The following CDON variants were observed in gnomAD, a reference collection of about 807,000 sequenced individuals.
CDON encodes cell adhesion molecule-related/down-regulated by oncogenes.
CDON carries 73 observed loss-of-function variants against 120.9 expected under a neutral mutation model. That is an observed-to-expected ratio of 0.60 (90% CI 0.50 to 0.73). The LOEUF is 0.73. CDON is among the 30% of genes least tolerant of loss of function. The pLI is 0.00. For synonymous variants in CDON, 566 were observed against 573.5 expected, an observed-to-expected ratio of 0.99 and a Z score of 0.19; for missense variants, 1,470 against 1,587.3, an observed-to-expected ratio of 0.93 and a Z score of 1.26.
chr11:126,003,201 T>C (rs1465526523), intron 10 of CDON, among the ~76,000 whole-genome samples: 2 of 152,204 alleles, frequency 1.3e-5, no homozygotes, highest in Admixed American at 6.5e-5. Context: ...GCCACAAGTT[T>C]TGTCTGTTTT....
intron 15 of CDON, among the ~76,000 whole-genome samples, chr11:125,988,437 C>T (rs1019792544): frequency 6.6e-6 from 1 of 152,028 alleles, no homozygotes; most frequent in Admixed American, 6.5e-5. Flanking sequence ...GTGCAGTGGC[C>T]CGATCTTGGC....
Position 126,010,476 on chromosome 11 carries a change from C to T in CDON, c.1417G>A (p.Val473Met). ...SRPEGLNLEPVYFVLSQAGAS... is the reference protein window; with the variant it reads ...SRPEGLNLEPMYFVLSQAGAS... ...CCAGCTTGGGACAGGACGAAGTACA[C>T]AGGCTCCAGGTTCAAGCCCTCAGGT... The change falls in exon 8 of 20, where the codon GTG becomes ATG. Residue 473 changes from valine to methionine, a missense_variant. By Grantham distance (21) the Val-to-Met change is conservative. Coordinates refer to ENST00000531738, the MANE Select transcript of CDON (RefSeq NM_001378964.1). 1 of 1,614,132 alleles carries T rather than the reference C, an allele frequency of 6.2e-7. No individual in the cohort carries two copies. The highest frequency in any genetic ancestry group is 1.1e-5 in the South Asian group (1 of 91,074).
chr11:126,017,907 C>CT (rs950920338), intron 5 of CDON, among the ~76,000 whole-genome samples: 27 of 148,810 alleles, frequency 1.8e-4, no homozygotes, highest in East Asian at 3.9e-4. Flanking sequence ...CATGTATTTA[C>CT]TTTTTTTTTT....
chr11:126,004,930 T>C (rs1179189721), intron 9 of CDON, among the ~76,000 whole-genome samples: 1 of 152,158 alleles, frequency 6.6e-6, no homozygotes, highest in Non-Finnish European at 1.5e-5. Context: ...AAAATGATAT[T>C]TGAAGAGTTA....
rs187433481 is a variant in CDON, at chr11:126,018,777, C to T, written c.497-304G>A. ...AGAGATGGGGGTCTCACTATATTGCCCAGGCTAGTCTTGAACTCCTGGCTT... is the reference window on the plus strand; with the variant it reads ...AGAGATGGGGGTCTCACTATATTGCTCAGGCTAGTCTTGAACTCCTGGCTT... On this transcript the variant is annotated intron_variant, in intron 4 of 19. Coordinates refer to ENST00000531738, the MANE Select transcript of CDON (RefSeq NM_001378964.1). Among the ~76,000 whole-genome samples the T allele has an allele frequency of 3.7e-4, 57 of 152,214 alleles. No individual in the cohort carries two copies. In the East Asian group the frequency reaches 9.9e-3, roughly 26 times the overall value.
At chr11:126,049,375 T>C (rs1948498403) in intron 1 of CDON, among the ~76,000 whole-genome samples, 1 of 151,542 alleles carries the variant, frequency 6.6e-6, no homozygotes, top group Non-Finnish European at 1.5e-5. Context: ...AAGGCCAGAG[T>C]TTTCCTTCTG....
chr11:126,016,297 G>C (rs1317109443), intron 6 of CDON, among the ~76,000 whole-genome samples: 1 of 152,130 alleles, frequency 6.6e-6, no homozygotes, highest in East Asian at 1.9e-4. Flanking sequence ...TAGGTAGCTG[G>C]TTAGAAACAA....
rs781652458 is a variant in CDON, at chr11:125,997,202, A to G, written c.2362+5T>C. The G allele has an allele frequency of 1.3e-6, 2 of 1,598,794 alleles. No individual in the cohort carries two copies. Among genetic ancestry groups the G allele is most frequent in the Non-Finnish European group, 1.7e-6 (2 of 1,166,090 alleles). On this transcript the variant is annotated splice_donor_5th_base_variant and intron_variant, in intron 12 of 19. Transcript: ENST00000531738. ...TGGTAAAAGGAAACGTTTGAATATT[A>G]CTACCTGGTTCTAAACTACGAACTT...
At chr11:125,961,656 T>G (rs1374139666) in intron 19 of CDON, 68 bp downstream of exon 19, 1 of 1,606,082 alleles carries the variant, frequency 6.2e-7, no homozygotes, top group Non-Finnish European at 8.5e-7. Flanking sequence ...AAGCATCACC[T>G]TCCCATACAC....
rs377502387 is a variant in CDON, at chr11:125,993,556, C to T, written c.2650+728G>A. On this transcript the variant is annotated intron_variant, in intron 14 of 19. Coordinates refer to ENST00000531738, the MANE Select transcript of CDON (RefSeq NM_001378964.1). ...GGGAAGTTATGGGGAAGAGTTCACTCCCTGTAACTTGACTGTCAAACATTT... is the reference window on the plus strand; with the variant it reads ...GGGAAGTTATGGGGAAGAGTTCACTTCCTGTAACTTGACTGTCAAACATTT... Among the ~76,000 whole-genome samples the T allele has an allele frequency of 1.5e-4, 23 of 152,286 alleles. No homozygotes were observed. In the East Asian group the frequency reaches 3.5e-3, roughly 23 times the overall value.
At chr11:125,985,107 C>T (rs1371096349) in intron 15 of CDON, among the ~76,000 whole-genome samples, 2 of 152,136 alleles carry the variant, frequency 1.3e-5, no homozygotes, top group Non-Finnish European at 2.9e-5. Flanking sequence ...AAGCACACAG[C>T]CTATGTTTAC....
chr11:125,958,542 G>A lies in CDON; in HGVS notation c.*2400C>T, dbSNP rs1247273372. The A allele has an allele frequency of 7.7e-6, 1 of 130,106 alleles. No individual in the cohort carries two copies. The highest frequency in any genetic ancestry group is 1.6e-5 in the Non-Finnish European group (1 of 60,932). 8.1% of individuals were successfully genotyped at this position (130,106 alleles called of 1,614,324 possible). On this transcript the variant is annotated 3_prime_UTR_variant, in exon 20 of 20. Transcript: ENST00000531738. ...AGAACTCATACCGCCTAAATATAAA[G>A]GCAATTATATATATATATATATATG...
chr11:126,054,488 T>C (rs919870287), intron 1 of CDON, among the ~76,000 whole-genome samples: 9 of 152,260 alleles, frequency 5.9e-5, no homozygotes, highest in African/African-American at 1.7e-4. Flanking sequence ...TCTTCATTAC[T>C]TGAAGCTGTG....
chr11:125,981,362 ACACACACACACG>A, intron 16 of CDON, 33 bp from the exon 17 acceptor site: 3 of 1,321,352 alleles, frequency 2.3e-6, no homozygotes, highest in Non-Finnish European at 3.2e-6. Flanking sequence ...ACACACACGC[ACACACACACACG>A]CACGCACACA....
chr11:125,958,565 A>ATATATATATGTGTGTG lies in CDON; in HGVS notation c.*2376_*2377insCACACACATATATATA, dbSNP rs371911236. 7.7e-6 allele frequency: 1 copy of ATATATATATGTGTGTG among 130,084 alleles called. No individual in the cohort carries two copies. Among genetic ancestry groups the ATATATATATGTGTGTG allele is most frequent in the African/African-American group, 2.9e-5 (1 of 34,844 alleles). The allele number at this position is 130,084 out of a possible 1,614,324, so 8.1% of individuals were successfully genotyped here. A position where few individuals can be genotyped will look rare whatever the true frequency, so the allele number is the denominator to read the frequency against. ...AAGGCAATTATATATATATATATAT[A>ATATATATATGTGTGTG]TGTGTGTGTGTGTGTGTGTGTGTGT... On this transcript the variant is annotated 3_prime_UTR_variant, in exon 20 of 20. Transcript: ENST00000531738.
intron 8 of CDON, among the ~76,000 whole-genome samples, chr11:126,007,584 C>T (rs1009254462): frequency 1.3e-5 from 2 of 152,028 alleles, no homozygotes; most frequent in African/African-American, 4.8e-5. Flanking sequence ...GTGGATCCTC[C>T]GGGCAGTTTT....
chr11:125,981,965 A>ATTTTT (rs1591562448), intron 16 of CDON, among the ~76,000 whole-genome samples: 7 of 34,416 alleles, frequency 2.0e-4, no homozygotes, highest in Non-Finnish European at 2.7e-4. Context: ...AAGTGATTCT[A>ATTTTT]TTTTCTTTTT....
At chr11:126,016,972 G>A in intron 6 of CDON, 116 bp downstream of exon 6, 2 of 835,096 alleles carry the variant, frequency 2.4e-6, no homozygotes, top group Admixed American at 2.4e-5. Flanking sequence ...TCTGGCTAGG[G>A]TATAGATAGT....
At position 125,981,372 on chromosome 11, in the gene CDON, ACG is replaced by A. The variant is rs1491242474; in HGVS notation, c.2996-45_2996-44del. The stretch of plus-strand genomic sequence containing the variant: ...AAAAGACACACACGCACACACACAC[ACG>A]CACGCACACATGCACATACGCACAC... On this transcript the variant is annotated intron_variant, in intron 16 of 19. Transcript: ENST00000531738. 2.5e-5 allele frequency: 38 copies of A among 1,522,656 alleles called. No homozygotes were observed. In the African/African-American group the frequency reaches 4.3e-4, roughly 17 times the overall value. The allele number at this position is 1,522,656 out of a possible 1,614,324, so 94.3% of individuals were successfully genotyped here.
Sources: gnomAD v4.1 joint callset for allele counts (sites outside exome capture counted in the v4.1 genomes callset) on GRCh38, gnomAD v4.1.1 for gene constraint, MANE v1.5 for transcripts, NCBI Gene and HGNC (gene_info 2026-07-23, HGNC 2026-07-21) for gene names.